MDGA2: variants seen among roughly 807,000 people sequenced by gnomAD.
The protein encoded by MDGA2 is MAM domain-containing glycosylphosphatidylinositol anchor protein 2.
Under a neutral mutation model 117.8 loss-of-function variants are expected in MDGA2, and 40 were observed. That is an observed-to-expected ratio of 0.34 (90% CI 0.26 to 0.44). The LOEUF (loss-of-function observed/expected upper bound fraction) is 0.44. MDGA2 is among the 20% of genes least tolerant of loss of function. The pLI, the probability that MDGA2 is intolerant of heterozygous loss-of-function variation, is 1.00. For missense variants in MDGA2, 1,123 were observed against 1,250.6 expected (o/e 0.90, Z 1.54); for synonymous variants, 452 against 439.0 (o/e 1.03, Z -0.37).
At chr14:47,207,014 A>C (rs563144844) in intron 3 of MDGA2, among the ~76,000 whole-genome samples, 1 of 152,036 alleles carries the variant, frequency 6.6e-6, no homozygotes, top group African/African-American at 2.4e-5. Context: ...TAAAAGAGAT[A>C]ACATCACTTT....
intron 8 of MDGA2, among the ~76,000 whole-genome samples, chr14:46,999,792 C>A (rs549257611): frequency 1.4e-4 from 22 of 152,120 alleles, no homozygotes; most frequent in African/African-American, 4.8e-4. Flanking sequence ...TTTGAATCAT[C>A]CTGACTAATA....
At chr14:47,171,192 A>C (rs1275108624) in intron 3 of MDGA2, among the ~76,000 whole-genome samples, 1 of 152,132 alleles carries the variant, frequency 6.6e-6, no homozygotes, top group African/African-American at 2.4e-5. Flanking sequence ...GAAAGCCATA[A>C]TCTCTGAAGA....
At chr14:47,037,950 G>A (rs1175613608) in intron 7 of MDGA2, among the ~76,000 whole-genome samples, 1 of 152,190 alleles carries the variant, frequency 6.6e-6, no homozygotes, top group East Asian at 1.9e-4. Flanking sequence ...GTTGTTTTGA[G>A]ATGGAGTCTC....
At position 47,288,106 on chromosome 14, in the gene MDGA2, G is replaced by A. The variant is rs559863429; in HGVS notation, c.420+13305C>T. On this transcript the variant is annotated intron_variant, in intron 2 of 16. Transcript: ENST00000399232. ...ACTTTCTTTGTGATACTTTCTTATG[G>A]AAGCCCAAGGGAAGTAATACAAGGC... Among the ~76,000 whole-genome samples the A allele has an allele frequency of 1.2e-3, 177 of 151,126 alleles. 1 individual carries two copies. Among genetic ancestry groups the A allele is most frequent in the Non-Finnish European group, 2.1e-3 (142 of 67,510 alleles).
chr14:46,885,977 CAGA>C (rs766948718), intron 10 of MDGA2, among the ~76,000 whole-genome samples: 1 of 152,052 alleles, frequency 6.6e-6, no homozygotes, highest in Non-Finnish European at 1.5e-5. Flanking sequence ...CCCTCTGTTC[CAGA>C]AGAAGACACT....
chr14:47,171,791 G>A (rs888647826), intron 3 of MDGA2, among the ~76,000 whole-genome samples: 1 of 152,152 alleles, frequency 6.6e-6, no homozygotes, highest in Non-Finnish European at 1.5e-5. Context: ...CCAGACAGTG[G>A]GCTCAGGACA....
At chr14:46,921,632 A>T (rs978289939) in intron 9 of MDGA2, among the ~76,000 whole-genome samples, 1 of 151,936 alleles carries the variant, frequency 6.6e-6, no homozygotes, top group East Asian at 1.9e-4. Context: ...AAAAAAAAGA[A>T]AAGAAAAAAA....
At chr14:47,214,578 T>A (rs943277975) in intron 3 of MDGA2, among the ~76,000 whole-genome samples, 5 of 152,112 alleles carry the variant, frequency 3.3e-5, no homozygotes, top group African/African-American at 7.2e-5. Context: ...TGGGAAAAAG[T>A]CGCCAATAAA....
chr14:47,665,721 A>AGCACTGCTGGCCCC (rs1897935672), intron 1 of MDGA2, among the ~76,000 whole-genome samples: 2 of 126,208 alleles, frequency 1.6e-5, no homozygotes, highest in South Asian at 2.5e-4. Flanking sequence ...CTGCTGGCCC[A>AGCACTGCTGGCCCC]CCAGCACTGC....
chr14:47,552,745 AAAGT>A (rs1388020035), intron 1 of MDGA2, among the ~76,000 whole-genome samples: 1 of 152,194 alleles, frequency 6.6e-6, no homozygotes, highest in South Asian at 2.1e-4. Context: ...TTTTAAATTC[AAAGT>A]AATAGTCAAA....
chr14:47,017,390 T>C (rs1173231111), intron 8 of MDGA2, among the ~76,000 whole-genome samples: 1 of 151,894 alleles, frequency 6.6e-6, no homozygotes, highest in Non-Finnish European at 1.5e-5. Flanking sequence ...CTGAATGATA[T>C]TTAAACTGAG....
intron 3 of MDGA2, among the ~76,000 whole-genome samples, chr14:47,215,817 C>T (rs576015379): frequency 2.6e-5 from 4 of 152,022 alleles, no homozygotes; most frequent in Non-Finnish European, 4.4e-5. Context: ...AGCCACCAAA[C>T]AAGTACTGAA....
intron 1 of MDGA2, among the ~76,000 whole-genome samples, chr14:47,395,043 TACTC>T (rs1353556645): frequency 1.1e-4 from 17 of 152,198 alleles, no homozygotes; most frequent in African/African-American, 3.9e-4. Context: ...TGGTCCCAGT[TACTC>T]AGGAGGCTGA....
rs551120313 is a variant in MDGA2, at chr14:46,936,003, A to C, written c.2090-15843T>G. Among the ~76,000 whole-genome samples the C allele has an allele frequency of 1.1e-3, 105 of 94,546 alleles. 1 individual carries two copies. Among genetic ancestry groups the C allele is most frequent in the African/African-American group, 5.7e-3 (101 of 17,756 alleles). The allele number at this position is 94,546 out of a possible 152,430, so 62.0% of individuals were successfully genotyped here. ...AATTGGAAGAAAAATGAACATAATA[A>C]TACTAAATAAATAATAATAATTGGG... On this transcript the variant is annotated intron_variant, in intron 9 of 16. Coordinates refer to ENST00000399232, the MANE Select transcript of MDGA2 (RefSeq NM_001113498.3).
chr14:47,444,801 T>G (rs756589293), intron 1 of MDGA2, among the ~76,000 whole-genome samples: 2 of 152,126 alleles, frequency 1.3e-5, no homozygotes, highest in Non-Finnish European at 2.9e-5. Flanking sequence ...TAGTGAATCA[T>G]GCACTCCATG....
At chr14:47,002,222 A>C (rs1887556854) in intron 8 of MDGA2, among the ~76,000 whole-genome samples, 1 of 152,158 alleles carries the variant, frequency 6.6e-6, no homozygotes, top group Non-Finnish European at 1.5e-5. Flanking sequence ...ACAAGGATAG[A>C]AAATCAGATT....
intron 4 of MDGA2, among the ~76,000 whole-genome samples, chr14:47,138,969 C>G (rs557760343): frequency 1.3e-4 from 20 of 151,888 alleles, no homozygotes; most frequent in African/African-American, 4.8e-4. Context: ...AAGGTATAAA[C>G]AAGATTTTTG....
At chr14:46,961,645 A>AT (rs1885813050) in intron 8 of MDGA2, among the ~76,000 whole-genome samples, 2 of 145,690 alleles carry the variant, frequency 1.4e-5, no homozygotes, top group Admixed American at 1.4e-4. Flanking sequence ...ACTGCCTGAT[A>AT]ATTTTTTTTT....
chr14:46,937,001 G>A (rs1884806449), intron 9 of MDGA2, among the ~76,000 whole-genome samples: 1 of 151,880 alleles, frequency 6.6e-6, no homozygotes, highest in Admixed American at 6.6e-5. Context: ...AGGTCAAATT[G>A]TCCCTGTTTG....
Sources: allele counts gnomAD v4.1 joint callset (sites outside exome capture counted in the v4.1 genomes callset), GRCh38; gene constraint gnomAD v4.1.1; transcripts MANE v1.5; gene names NCBI Gene and HGNC (gene_info 2026-07-23, HGNC 2026-07-21).